NTN1: variants seen among roughly 807,000 people sequenced by gnomAD.
NTN1 encodes netrin-1.
NTN1 carries 11 observed loss-of-function variants against 54.2 expected under a neutral mutation model. That is an observed-to-expected ratio of 0.20 (90% CI 0.13 to 0.34). The LOEUF (loss-of-function observed/expected upper bound fraction) is 0.34, where lower values mean the gene tolerates loss of function less well. Among genes scored for constraint, NTN1 ranks in the 10% least tolerant of loss-of-function variants. NTN1 has a pLI of 1.00. For synonymous variants in NTN1, 371 were observed against 382.0 expected, an observed-to-expected ratio of 0.97 and a Z score of 0.33; for missense variants, 740 against 893.1, an observed-to-expected ratio of 0.83 and a Z score of 2.18.
intron 2 of NTN1, among the ~76,000 whole-genome samples, chr17:9,076,729 CA>C (rs1246363158): frequency 6.6e-6 from 1 of 152,334 alleles, no homozygotes; most frequent in East Asian, 1.9e-4. Flanking sequence ...GCATGTCTAA[CA>C]ATTAGAATTC....
chr17:9,149,486 C>T (rs1468222726), intron 2 of NTN1, among the ~76,000 whole-genome samples: 1 of 152,180 alleles, frequency 6.6e-6, no homozygotes, highest in East Asian at 1.9e-4. Context: ...GTCACCCTCA[C>T]CATGCTGCTG....
intron 2 of NTN1, among the ~76,000 whole-genome samples, chr17:9,105,999 G>C (rs2092164897): frequency 6.6e-6 from 1 of 152,098 alleles, no homozygotes; most frequent in Admixed American, 6.6e-5. Context: ...CCAAAGCATG[G>C]CCCCCCAACC....
intron 2 of NTN1, among the ~76,000 whole-genome samples, chr17:9,147,534 C>T (rs963057570): frequency 6.6e-6 from 1 of 152,124 alleles, no homozygotes; most frequent in African/African-American, 2.4e-5. Flanking sequence ...ATTAGCAAGG[C>T]CAATGCTAAC....
rs557108555 is a variant in NTN1 at position 9,120,805 on chromosome 17, C to T, written c.1019-42008C>T. Among the ~76,000 whole-genome samples the T allele has an allele frequency of 1.6e-4, 24 of 152,356 alleles. No individual in the cohort carries two copies. The East Asian group carries it at 4.6e-3, about 29-fold the overall frequency. On this transcript the variant is annotated intron_variant, in intron 2 of 6. Transcript: ENST00000173229. The stretch of plus-strand genomic sequence containing the variant: ...TTACCCCCATGTTGTTTTTGTACAG[C>T]AGGAAGCTGCTTGCTACCCAGGTGG...
intron 5 of NTN1, among the ~76,000 whole-genome samples, chr17:9,201,071 GCTGGAAACT>G (rs1289968016): frequency 6.6e-5 from 10 of 152,188 alleles, no homozygotes; most frequent in Non-Finnish European, 1.5e-5. Context: ...TAGTGGCATA[GCTGGAAACT>G]TGAGTTCCTC....
At chr17:9,094,988 C>CAAAA (rs71135941) in intron 2 of NTN1, among the ~76,000 whole-genome samples, 3 of 99,914 alleles carry the variant, frequency 3.0e-5, no homozygotes, top group Non-Finnish European at 4.0e-5. Context: ...GACTCCGTCT[C>CAAAA]AAAAAAAAAA....
chr17:9,096,763 G>C (rs781625863), intron 2 of NTN1, among the ~76,000 whole-genome samples: 14 of 152,112 alleles, frequency 9.2e-5, no homozygotes, highest in African/African-American at 1.4e-4. Flanking sequence ...ACACCATTCA[G>C]AACAATTCTA....
chr17:9,204,379 C>T (rs1360529451), intron 5 of NTN1, among the ~76,000 whole-genome samples: 4 of 151,948 alleles, frequency 2.6e-5, no homozygotes, highest in African/African-American at 4.8e-5. Context: ...CTGCAGCCTC[C>T]ACCTCCTGGG....
chr17:9,179,723 G>A, intron 3 of NTN1, 84 bp from the exon 4 acceptor site: 6 of 1,505,256 alleles, frequency 4.0e-6, no homozygotes, highest in Non-Finnish European at 5.4e-6. Flanking sequence ...GGTCCATGGA[G>A]GCAGCCCTGG....
intron 2 of NTN1, among the ~76,000 whole-genome samples, chr17:9,052,359 C>T (rs1179067653): frequency 2.6e-5 from 4 of 152,208 alleles, no homozygotes. Flanking sequence ...TATGTGCTTT[C>T]CCTATGACCC....
At chr17:9,005,136 A>C in the NTN1 span, among the ~76,000 whole-genome samples, 1 of 152,020 alleles carries the variant, frequency 6.6e-6, no homozygotes, top group Non-Finnish European at 1.5e-5. Flanking sequence ...CGTCTTCACC[A>C]ACATTCTCCT....
intron 2 of NTN1, among the ~76,000 whole-genome samples, chr17:9,143,224 C>G (rs1371812349): frequency 1.3e-5 from 2 of 152,174 alleles, no homozygotes; most frequent in Admixed American, 1.3e-4. Flanking sequence ...GACTCCAGAG[C>G]CCGGGGCCTT....
intron 2 of NTN1, among the ~76,000 whole-genome samples, chr17:9,054,401 T>A (rs1447809411): frequency 5.9e-5 from 9 of 152,294 alleles, no homozygotes; most frequent in Non-Finnish European, 1.3e-4. Context: ...ACGGGGAAAT[T>A]GGCTTCCACT....
chr17:9,030,468 T>G (rs534910324), intron 2 of NTN1, among the ~76,000 whole-genome samples: 32 of 152,238 alleles, frequency 2.1e-4, no homozygotes, highest in African/African-American at 7.5e-4. Context: ...ATTCTGTGGC[T>G]GGACGCAGTG....
intron 2 of NTN1, among the ~76,000 whole-genome samples, chr17:9,082,602 A>G (rs1030098698): frequency 6.6e-6 from 1 of 152,152 alleles, no homozygotes; most frequent in African/African-American, 2.4e-5. Flanking sequence ...TGAGCAGCGC[A>G]CACACACTGC....
At chr17:9,142,588 G>A (rs950486758) in intron 2 of NTN1, among the ~76,000 whole-genome samples, 11 of 152,180 alleles carry the variant, frequency 7.2e-5, no homozygotes, top group East Asian at 1.9e-4. Flanking sequence ...TGAAGAGGGC[G>A]GGGAAGGCTT....
chr17:9,057,825 T>A (rs967980970), intron 2 of NTN1, among the ~76,000 whole-genome samples: 1 of 152,208 alleles, frequency 6.6e-6, no homozygotes, highest in African/African-American at 2.4e-5. Context: ...ATAGACTTGT[T>A]TGGCCAGGGA....
intron 2 of NTN1, among the ~76,000 whole-genome samples, chr17:9,033,325 G>A (rs1342845092): frequency 6.6e-6 from 1 of 152,148 alleles, no homozygotes; most frequent in Non-Finnish European, 1.5e-5. Flanking sequence ...GAAGAATGGG[G>A]CTGAACAGTC....
intron 2 of NTN1, among the ~76,000 whole-genome samples, chr17:9,027,291 C>G (rs1476644168): frequency 6.6e-6 from 1 of 152,170 alleles, no homozygotes; most frequent in Non-Finnish European, 1.5e-5. Context: ...AGGACTTACT[C>G]TTTGCCAAGC....
Sources: allele counts gnomAD v4.1 joint callset (sites outside exome capture counted in the v4.1 genomes callset), GRCh38; gene constraint gnomAD v4.1.1; transcripts MANE v1.5; gene names NCBI Gene and HGNC (gene_info 2026-07-23, HGNC 2026-07-21).